The following MAN2B2 variants were observed in gnomAD, a reference collection of about 807,000 sequenced individuals.
The protein encoded by MAN2B2 is mannosidase alpha class 2B member 2, also known as epididymis-specific alpha-mannosidase.
MAN2B2 carries 106 observed loss-of-function variants against 117.1 expected under a neutral mutation model. The ratio of observed to expected loss-of-function variants is 0.90; its 90% confidence interval spans 0.77 to 1.06. The LOEUF is 1.06. MAN2B2 is among the 50% of genes least tolerant of loss of function. The pLI is 0.00. For synonymous variants in MAN2B2, 544 were observed against 595.1 expected, an observed-to-expected ratio of 0.91 and a Z score of 1.25; for missense variants, 1,326 against 1,381.4, an observed-to-expected ratio of 0.96 and a Z score of 0.64.
Position 6,614,199 on chromosome 4 carries a change from C to G in MAN2B2, c.2564-19C>G, listed in dbSNP as rs758023963. The G allele has an allele frequency of 1.2e-6, 2 of 1,612,298 alleles. No homozygotes were observed. The highest frequency in any genetic ancestry group is 3.3e-5 in the Admixed American group (2 of 59,938). On this transcript the variant is annotated intron_variant, in intron 15 of 18. Coordinates refer to ENST00000285599, the MANE Select transcript of MAN2B2 (RefSeq NM_015274.3). Reference sequence around the variant, plus strand: ...TTGAGCCCCAAACCCTCTCCTCACTCTGTCCATCTGCCTTGCAGGGACTGC... The same window carrying G: ...TTGAGCCCCAAACCCTCTCCTCACTGTGTCCATCTGCCTTGCAGGGACTGC...
rs756714926 is a variant in MAN2B2, at chr4:6,587,052, G to A, written c.448G>A (p.Val150Ile). The change falls in exon 4 of 19, where the codon GTT (valine) becomes ATT (isoleucine). Residue 150 changes from valine (V) to isoleucine (I), a missense_variant. Physicochemically the swap from Val to Ile is conservative, Grantham distance 29. Coordinates refer to ENST00000285599, the MANE Select transcript of MAN2B2 (RefSeq NM_015274.3). ...FGIRPQFSWH[V>I]DPFGASATTP... is the part of the protein sequence containing the mutation. ...GATCCGGCCACAGTTCTCCTGGCAC[G>A]TTGACCCGTTTGGCGCCTCTGCCAC... is the stretch of plus-strand genomic sequence containing the variant. The A allele has an allele frequency of 1.6e-5, 26 of 1,613,946 alleles. No individual in the cohort carries two copies. Among genetic ancestry groups the A allele is most frequent in the African/African-American group, 1.5e-4 (11 of 74,940 alleles).
In MAN2B2 at chr4:6,621,487, T is replaced by TC. The variant is rs1190509252; in HGVS notation, c.*209dup. 6.3e-5 allele frequency: 34 copies of TC among 540,632 alleles called. 1 individual carries two copies. The highest frequency in any genetic ancestry group is 4.7e-4 in the Admixed American group (14 of 30,064). 33.5% of individuals were successfully genotyped at this position (540,632 alleles called of 1,614,324 possible). A position where few individuals can be genotyped will look rare whatever the true frequency, so the allele number is the denominator to read the frequency against. On this transcript the variant is annotated 3_prime_UTR_variant, in exon 19 of 19. Transcript: ENST00000285599. ...AATTACATTACAAGATCCAGGTTCT[T>TC]CCCCCCCACACTCAATCAAGCCAGC...
chr4:6,605,013 G>C, intron 10 of MAN2B2, 42 bp from the exon 11 acceptor site: 1 of 1,587,676 alleles, frequency 6.3e-7, no homozygotes, highest in Non-Finnish European at 8.6e-7. Flanking sequence ...CAGAAAGTGT[G>C]AGAGCTGACA....
Position 6,617,470 on chromosome 4 carries a change from A to T in MAN2B2, c.2792A>T (p.Gln931Leu). 2 of 1,614,102 alleles carry T rather than the reference A, an allele frequency of 1.2e-6. No homozygotes were observed. Among genetic ancestry groups the T allele is most frequent in the Non-Finnish European group, 1.7e-6 (2 of 1,179,998 alleles). Residue 931 changes from glutamine to leucine, a missense_variant, in exon 17 of 19, where the codon CAG (glutamine) becomes CTG (leucine). Physicochemically the swap from Gln to Leu is moderately radical, Grantham distance 113 (BLOSUM62 -2). Coordinates refer to ENST00000285599, the MANE Select transcript of MAN2B2 (RefSeq NM_015274.3). ...YEVGEDPVLSQPVTVNLEAVL... is the reference protein window; with the variant it reads ...YEVGEDPVLSLPVTVNLEAVL... Reference sequence around the variant, plus strand: ...GTGGGCGAGGACCCAGTCCTGTCTCAGCCAGTGACAGTGAATCTGGAGGTG... The same window carrying T: ...GTGGGCGAGGACCCAGTCCTGTCTCTGCCAGTGACAGTGAATCTGGAGGTG...
At chr4:6,593,756 C>A (rs1314213892) in intron 6 of MAN2B2, among the ~76,000 whole-genome samples, 1 of 152,266 alleles carries the variant, frequency 6.6e-6, no homozygotes, top group Admixed American at 6.5e-5. Context: ...TGGCCATCGT[C>A]ACAGCTAACC....
chr4:6,621,264 T>C lies in MAN2B2; in HGVS notation c.3009T>C (p.Phe1003=), dbSNP rs1200108819. The C allele has an allele frequency of 6.2e-7, 1 of 1,614,048 alleles. No homozygotes were observed. The highest frequency in any genetic ancestry group is 8.5e-7 in the Non-Finnish European group (1 of 1,179,978). Residue 1003 remains phenylalanine, a synonymous_variant, in exon 19 of 19, where the codon TTT becomes TTC. Coordinates refer to ENST00000285599, the MANE Select transcript of MAN2B2 (RefSeq NM_015274.3). ...ACCCAAAGGAAATCCGGACGTTCTT[T>C]ATTCACTTTCAACAGCAGTGAGCCC... is the stretch of plus-strand genomic sequence containing the variant. ...TVHPKEIRTF[F]IHFQQQ is the part of the protein sequence containing the mutation.
intron 16 of MAN2B2, 119 bp downstream of exon 16, chr4:6,614,474 T>G: frequency 2.4e-6 from 3 of 1,238,998 alleles, no homozygotes; most frequent in Non-Finnish European, 2.2e-6. Context: ...CAAGGTCACC[T>G]GGTTTCTTAT....
In MAN2B2 at chr4:6,594,708, C is replaced by T; in HGVS notation, c.1033C>T (p.His345Tyr). 1.9e-6 allele frequency: 3 copies of T among 1,612,104 alleles called. No homozygotes were observed. The highest frequency in any genetic ancestry group is 2.5e-6 in the Non-Finnish European group (3 of 1,179,864). Residue 345 changes from histidine to tyrosine, a missense_variant, in exon 7 of 19, where the codon CAC (histidine) becomes TAC (tyrosine). By Grantham distance (83) the His-to-Tyr change is moderately conservative. Transcript: ENST00000285599. Reference sequence around the variant, plus strand: ...TGTCACCTGGCGTGTCCGCGACCACCACGACTTCCTGCCCTATTCCACAGG... The same window carrying T: ...TGTCACCTGGCGTGTCCGCGACCACTACGACTTCCTGCCCTATTCCACAGG... ...LNVTWRVRDH[H>Y]DFLPYSTEPF...
chr4:6,601,669 G>C (rs1011982647), intron 10 of MAN2B2, among the ~76,000 whole-genome samples: 4 of 152,206 alleles, frequency 2.6e-5, no homozygotes, highest in African/African-American at 9.6e-5. Flanking sequence ...CACCTCCACA[G>C]CATAAGCTCA....
At position 6,605,446 on chromosome 4, in the gene MAN2B2, G is replaced by A. The variant is rs1045564978; in HGVS notation, c.1814+117G>A. The A allele has an allele frequency of 1.6e-5, 19 of 1,183,334 alleles. No homozygotes were observed. The East Asian group carries it at 4.5e-4, about 28-fold the overall frequency. 73.3% of individuals were successfully genotyped at this position (1,183,334 alleles called of 1,614,324 possible). On this transcript the variant is annotated intron_variant, in intron 11 of 18. Coordinates refer to ENST00000285599, the MANE Select transcript of MAN2B2 (RefSeq NM_015274.3). ...GCCTGGGGGAAGGACAGATGGTGGT[G>A]AAACCCCTTCCTGCTATTGTGATCT...
chr4:6,577,042 TC>T (rs1252991906), intron 2 of MAN2B2, among the ~76,000 whole-genome samples: 1 of 152,108 alleles, frequency 6.6e-6, no homozygotes, highest in African/African-American at 2.4e-5. Flanking sequence ...ATCCCAGGTG[TC>T]CCCAAGCCCT....
chr4:6,611,024 C>T (rs376876863), intron 14 of MAN2B2, 34 bp downstream of exon 14: 66 of 1,613,110 alleles, frequency 4.1e-5, no homozygotes, highest in African/African-American at 8.0e-5. Context: ...AGCAGCCCCT[C>T]GCGGCCCCCT....
intron 2 of MAN2B2, 86 bp downstream of exon 2, chr4:6,576,810 G>A (rs547360373): frequency 3.9e-6 from 6 of 1,520,852 alleles, no homozygotes; most frequent in Non-Finnish European, 5.4e-6. Context: ...TCTAGCCAGG[G>A]CCAGGGCCAG....
At chr4:6,610,666 T>G (rs182525673) in intron 13 of MAN2B2, among the ~76,000 whole-genome samples, 40 of 152,352 alleles carry the variant, frequency 2.6e-4, no homozygotes, top group Admixed American at 1.2e-3. Context: ...GGCCAGGGCT[T>G]GGCCAGGGCC....
chr4:6,575,430 G>C, intron 1 of MAN2B2, 82 bp downstream of exon 1: 1 of 1,102,906 alleles, frequency 9.1e-7, no homozygotes, highest in Non-Finnish European at 1.2e-6. Flanking sequence ...TTTGCGTCCC[G>C]GGGCCCGATG....
At chr4:6,576,961 A>C (rs1726088113) in intron 2 of MAN2B2, among the ~76,000 whole-genome samples, 1 of 152,146 alleles carries the variant, frequency 6.6e-6, no homozygotes. Flanking sequence ...AAAAACTGCC[A>C]GCTCTGGCAA....
intron 10 of MAN2B2, among the ~76,000 whole-genome samples, chr4:6,601,896 T>G (rs978288851): frequency 1.3e-5 from 2 of 151,958 alleles, no homozygotes; most frequent in African/African-American, 2.4e-5. Flanking sequence ...GTGGTTCGAG[T>G]GAAAGTGTGA....
chr4:6,594,620 G>A lies in MAN2B2; in HGVS notation c.945G>A (p.Glu315=). 1.2e-6 allele frequency: 2 copies of A among 1,613,630 alleles called. No individual in the cohort carries two copies. The highest frequency in any genetic ancestry group is 1.7e-6 in the Non-Finnish European group (2 of 1,179,940). The part of the protein sequence containing the change: ...LLDHINSHAA[E]LGVSVQYATL... ...ACCACATCAACAGCCATGCTGCCGA[G>A]CTCGGTGTCTCGGTGCAGTATGCCA... The change falls in exon 7 of 19, where the codon GAG becomes GAA. Residue 315 remains glutamate (E), a synonymous_variant. Transcript: ENST00000285599.
In MAN2B2 at chr4:6,597,245, A is replaced by C. The variant is rs772963792; in HGVS notation, c.1190A>C (p.His397Pro). ...TACCTGTGGCCGGCCCCCCGTGGGC[A>C]TCTGGACCCCACCTGGGCCCTGCAG... Reference protein sequence around the residue: ...TRYLWPAPRGHLDPTWALQQL... With the variant: ...TRYLWPAPRGPLDPTWALQQL... Residue 397 changes from histidine to proline, a missense_variant, in exon 8 of 19, where the codon CAT becomes CCT. Transcript: ENST00000285599. 2 of 1,602,372 alleles carry C rather than the reference A, an allele frequency of 1.2e-6. No individual in the cohort carries two copies. Among genetic ancestry groups the C allele is most frequent in the South Asian group, 1.1e-5 (1 of 90,258 alleles).
Sources: gnomAD v4.1 joint callset for allele counts (sites outside exome capture counted in the v4.1 genomes callset) on GRCh38, gnomAD v4.1.1 for gene constraint, MANE v1.5 for transcripts, NCBI Gene and HGNC (gene_info 2026-07-23, HGNC 2026-07-21) for gene names.